PLD5: variants seen among roughly 807,000 people sequenced by gnomAD.
PLD5 encodes the protein phospholipase D family member 5.
PLD5 carries 36 observed loss-of-function variants against 61.1 expected under a neutral mutation model. The observed-to-expected ratio is 0.59, with a 90% CI of 0.45 to 0.78. The LOEUF is 0.78. Among genes scored for constraint, PLD5 ranks in the 30% least tolerant of loss-of-function variants. PLD5 has a pLI of 0.00. For missense variants in PLD5, 515 were observed against 644.4 expected (o/e 0.80, Z 2.17); for synonymous variants, 243 against 242.8 (o/e 1.00, Z -0.01).
At chr1:242,309,357 G>A (rs1379893780) in intron 2 of PLD5, among the ~76,000 whole-genome samples, 1 of 151,122 alleles carries the variant, frequency 6.6e-6, no homozygotes, top group Non-Finnish European at 1.5e-5. Context: ...AGGAGGGTTG[G>A]GCAATCTTGA....
At chr1:242,487,954 C>A (rs114188952) in intron 1 of PLD5, among the ~76,000 whole-genome samples, 151 of 151,962 alleles carry the variant, frequency 9.9e-4, no homozygotes, top group Admixed American at 1.6e-3. Flanking sequence ...TATTTCATGA[C>A]CTTGCTAAAT....
intron 1 of PLD5, among the ~76,000 whole-genome samples, chr1:242,501,722 A>G (rs1668560050): frequency 6.6e-6 from 1 of 151,840 alleles, no homozygotes; most frequent in African/African-American, 2.4e-5. Flanking sequence ...GGAAAAAAAT[A>G]GATTTAAAAG....
intron 5 of PLD5, among the ~76,000 whole-genome samples, chr1:242,217,649 G>A (rs1367034178): frequency 2.0e-5 from 3 of 152,096 alleles, no homozygotes; most frequent in South Asian, 4.1e-4. Flanking sequence ...TGGGATTTAC[G>A]GGAGAAGGTC....
chr1:242,434,422 G>C (rs1665884111), intron 1 of PLD5, among the ~76,000 whole-genome samples: 1 of 152,216 alleles, frequency 6.6e-6, no homozygotes, highest in Non-Finnish European at 1.5e-5. Flanking sequence ...GACAAGGTGG[G>C]TTTGATATGC....
rs562776588 is a variant in PLD5, at chr1:242,338,228, A to G, written c.326+9878T>C. ...ATAAGAATACCCATCAGACACATCA[A>G]CTCCAGTTTTCTCTTTATTTTTCTT... On this transcript the variant is annotated intron_variant, in intron 2 of 9. Transcript: ENST00000536534. Among the ~76,000 whole-genome samples, 120 of 151,976 alleles carry G rather than the reference A, an allele frequency of 7.9e-4. 1 individual carries two copies. Among genetic ancestry groups the G allele is most frequent in the African/African-American group, 2.6e-3 (108 of 41,460 alleles).
chr1:242,161,441 A>C (rs969589392), intron 5 of PLD5, among the ~76,000 whole-genome samples: 2 of 146,972 alleles, frequency 1.4e-5, no homozygotes, highest in African/African-American at 5.1e-5. Flanking sequence ...TTACAGCTAT[A>C]TAGAAGTATA....
At position 242,431,811 on chromosome 1, in the gene PLD5, T is replaced by TA. The variant is rs546577966; in HGVS notation, c.190-83570dup. Among the ~76,000 whole-genome samples, 229 of 152,342 alleles carry TA rather than the reference T, an allele frequency of 1.5e-3. 1 individual carries two copies. The highest frequency in any genetic ancestry group is 2.3e-3 in the Non-Finnish European group (155 of 68,024). ...CCAGATGTCCTAAGTACTCTGTTTT[T>TA]ACTCTGTGCCAGAGAAAATTAGGCC... On this transcript the variant is annotated intron_variant, in intron 1 of 9. Transcript: ENST00000536534.
chr1:242,422,591 C>A (rs1305309969), intron 1 of PLD5, among the ~76,000 whole-genome samples: 1 of 152,076 alleles, frequency 6.6e-6, no homozygotes, highest in Admixed American at 6.5e-5. Flanking sequence ...TTGAATTTTT[C>A]CACAAGTTAC....
intron 2 of PLD5, among the ~76,000 whole-genome samples, chr1:242,307,137 C>T (rs1676416900): frequency 6.6e-6 from 1 of 152,136 alleles, no homozygotes; most frequent in Non-Finnish European, 1.5e-5. Context: ...TTGGATTCTC[C>T]TGTATTTTAA....
At chr1:242,184,243 G>GT (rs1667728392) in intron 5 of PLD5, among the ~76,000 whole-genome samples, 1 of 152,158 alleles carries the variant, frequency 6.6e-6, no homozygotes, top group Non-Finnish European at 1.5e-5. Context: ...AGCTTCCGTG[G>GT]TGACCAGAGC....
intron 1 of PLD5, among the ~76,000 whole-genome samples, chr1:242,466,503 T>C (rs918606219): frequency 1.3e-5 from 2 of 152,160 alleles, no homozygotes; most frequent in African/African-American, 4.8e-5. Context: ...AGGAAATTCT[T>C]GTCATTTGCA....
At chr1:242,492,862 T>C (rs1668210639) in intron 1 of PLD5, among the ~76,000 whole-genome samples, 1 of 152,080 alleles carries the variant, frequency 6.6e-6, no homozygotes, top group South Asian at 2.1e-4. Flanking sequence ...TTTCTTCTTA[T>C]AAGTGCATTA....
At chr1:242,506,411 A>G (rs114541025) in intron 1 of PLD5, among the ~76,000 whole-genome samples, 3,809 of 152,246 alleles carry the variant, frequency 0.025, 51 homozygotes, top group African/African-American at 0.033. Flanking sequence ...CAGAGATATG[A>G]GCAGCTCAGG....
At chr1:242,518,017 T>G (rs2810002) in intron 1 of PLD5, among the ~76,000 whole-genome samples, 2 of 151,950 alleles carry the variant, frequency 1.3e-5, no homozygotes, top group Non-Finnish European at 2.9e-5. Context: ...CACAAGGCTC[T>G]TTGCCTACTC....
chr1:242,224,085 T>C (rs890661806), intron 4 of PLD5, among the ~76,000 whole-genome samples: 4 of 152,184 alleles, frequency 2.6e-5, no homozygotes, highest in African/African-American at 9.7e-5. Flanking sequence ...AAAAAGTATA[T>C]AATATGTCAC....
intron 5 of PLD5, among the ~76,000 whole-genome samples, chr1:242,188,353 T>C (rs1328019283): frequency 6.6e-6 from 1 of 151,972 alleles, no homozygotes; most frequent in Non-Finnish European, 1.5e-5. Context: ...AGAGATAAGG[T>C]TTCCCCATGA....
At chr1:242,268,755 T>C (rs1673868349) in intron 3 of PLD5, among the ~76,000 whole-genome samples, 1 of 152,200 alleles carries the variant, frequency 6.6e-6, no homozygotes, top group Non-Finnish European at 1.5e-5. Flanking sequence ...ATTCAAAATG[T>C]AATCATTTCC....
chr1:242,310,452 C>T (rs4123227), intron 2 of PLD5, among the ~76,000 whole-genome samples: 148,309 of 152,270 alleles, frequency 0.97, 72,314 homozygotes, highest in Non-Finnish European at 1. Context: ...CTCCTGTTCT[C>T]AGGCTCCCCT....
chr1:242,488,288 A>G (rs1158893321), intron 1 of PLD5, among the ~76,000 whole-genome samples: 2 of 152,220 alleles, frequency 1.3e-5, no homozygotes, highest in East Asian at 3.8e-4. Context: ...CAGCAGCTTT[A>G]TTTATAATTG....
Sources: allele counts gnomAD v4.1 joint callset (sites outside exome capture counted in the v4.1 genomes callset), GRCh38; gene constraint gnomAD v4.1.1; transcripts MANE v1.5; gene names NCBI Gene and HGNC (gene_info 2026-07-23, HGNC 2026-07-21).